Variants in ST6GAL2 observed in about 807,000 individuals in gnomAD.
ST6GAL2 encodes beta-galactoside alpha-2,6-sialyltransferase 2.
A neutral mutation model predicts 37.5 loss-of-function variants in ST6GAL2; 24 were observed. The ratio of observed to expected loss-of-function variants is 0.64; its 90% CI spans 0.46 to 0.90. ST6GAL2 has a LOEUF of 0.90. ST6GAL2 is among the 40% of genes least tolerant of loss of function. ST6GAL2 has a pLI of 0.00. For missense variants in ST6GAL2, 715 were observed against 712.7 expected (o/e 1.00, Z -0.04); for synonymous variants, 306 against 295.1 (o/e 1.04, Z -0.38).
intron 4 of ST6GAL2, among the ~76,000 whole-genome samples, chr2:106,831,616 T>C (rs1676428720): frequency 6.6e-6 from 1 of 152,154 alleles, no homozygotes; most frequent in South Asian, 2.1e-4. Flanking sequence ...CTCTGACAGA[T>C]TTTGAAAAAT....
intron 3 of ST6GAL2, among the ~76,000 whole-genome samples, 177 bp from the exon 4 acceptor site, chr2:106,832,843 T>C (rs539698609): frequency 6.6e-6 from 1 of 152,256 alleles, no homozygotes; most frequent in South Asian, 2.1e-4. Context: ...TTAAAGAATG[T>C]TTGAGGAAAT....
intron 5 of ST6GAL2, among the ~76,000 whole-genome samples, chr2:106,828,011 A>G (rs1267158112): frequency 6.6e-6 from 1 of 152,194 alleles, no homozygotes; most frequent in Non-Finnish European, 1.5e-5. Context: ...CAGGTCAAAG[A>G]AGGCTTAAAG....
chr2:106,879,874 A>G (rs1031438202), intron 1 of ST6GAL2, among the ~76,000 whole-genome samples: 1 of 147,894 alleles, frequency 6.8e-6, no homozygotes, highest in South Asian at 2.1e-4. Flanking sequence ...TACATTATAC[A>G]TATAGACCTA....
At position 106,823,648 on chromosome 2, in the gene ST6GAL2, G is replaced by A. The variant is rs557296145; in HGVS notation, c.1318+6418C>T. Among the ~76,000 whole-genome samples the A allele has an allele frequency of 2.7e-4, 41 of 152,286 alleles. No individual in the cohort carries two copies. The South Asian group carries it at 8.5e-3, about 32-fold the overall frequency. ...GTATGTTATGCTTTTTGAGAGGAAG[G>A]TGTTGGCTGAATGTCTTATTCCATT... On this transcript the variant is annotated intron_variant, in intron 5 of 5. Coordinates refer to ENST00000409382, the MANE Select transcript of ST6GAL2 (RefSeq NM_001142351.2).
chr2:106,806,634 C>A lies in ST6GAL2; in HGVS notation c.*44G>T. 6.3e-7 allele frequency: 1 copy of A among 1,583,302 alleles called. No homozygotes were observed. Reference sequence around the variant, plus strand: ...AAGTATTCTTTTGTGACTTTGAGTACAACAGTAGTACCTTATTGCACATTG... The same window carrying A: ...AAGTATTCTTTTGTGACTTTGAGTAAAACAGTAGTACCTTATTGCACATTG... On this transcript the variant is annotated 3_prime_UTR_variant, in exon 6 of 6. Transcript: ENST00000409382.
chr2:106,836,944 CAAAAAA>C (rs10700905), intron 2 of ST6GAL2, among the ~76,000 whole-genome samples: 1 of 85,724 alleles, frequency 1.2e-5, no homozygotes, highest in Non-Finnish European at 2.0e-5. Flanking sequence ...AATTCCATCT[CAAAAAA>C]AAAAAAAAAA....
At chr2:106,832,721 C>A in intron 3 of ST6GAL2, 55 bp from the exon 4 acceptor site, 1 of 1,172,946 alleles carries the variant, frequency 8.5e-7, no homozygotes, top group Non-Finnish European at 1.3e-6. Flanking sequence ...TTAAAAATTG[C>A]ATTTTAAAAA....
At position 106,843,260 on chromosome 2, in the gene ST6GAL2, C is replaced by A. The variant is rs746969361; in HGVS notation, c.718G>T (p.Gly240Trp). 4 of 1,599,468 alleles carry A rather than the reference C, an allele frequency of 2.5e-6. No homozygotes were observed. In the South Asian group the frequency reaches 3.4e-5, roughly 13 times the overall value. ...TANKHGVRFR[G>W]KREAGLSRAQ... ...CTGCTCAGCCCGGCCTCCCGCTTCC[C>A]GCGGAAGCGCACCCCGTGCTTGTTG... Residue 240 changes from glycine to tryptophan, a missense_variant, in exon 2 of 6, where the codon GGG becomes TGG. Gly to Trp is a radical substitution (Grantham distance 184). Around this residue, in one of 3 missense-constraint regions of ST6GAL2, gnomAD observed 512 missense variants for 488.8 expected, o/e 1.05. Coordinates refer to ENST00000409382, the MANE Select transcript of ST6GAL2 (RefSeq NM_001142351.2).
rs115987246 is a variant in ST6GAL2, at chr2:106,841,159, T to A, written c.943+1876A>T. The A allele has an allele frequency of 3.5e-3, 528 of 152,278 alleles. 6 individuals are homozygous for A. The highest frequency in any genetic ancestry group is 0.012 in the African/African-American group (504 of 41,564). The allele number at this position is 152,278 out of a possible 1,614,324, so 9.4% of individuals were successfully genotyped here. ...CTTGTTTTTTTTAACTTTAAAAATA[T>A]TTCTCATTCAGCCTCATGCCCAAGG... On this transcript the variant is annotated intron_variant, in intron 2 of 5. Coordinates refer to ENST00000409382, the MANE Select transcript of ST6GAL2 (RefSeq NM_001142351.2).
intron 2 of ST6GAL2, among the ~76,000 whole-genome samples, chr2:106,840,326 T>C (rs918016506): frequency 6.6e-6 from 1 of 152,360 alleles, no homozygotes; most frequent in South Asian, 2.1e-4. Context: ...CAGAGTTTGT[T>C]TGTATTCTGC....
intron 1 of ST6GAL2, among the ~76,000 whole-genome samples, chr2:106,852,252 G>A (rs929045776): frequency 1.3e-5 from 2 of 152,212 alleles, no homozygotes; most frequent in Non-Finnish European, 2.9e-5. Flanking sequence ...ACAGTCCTGC[G>A]GGATTGCCAA....
intron 1 of ST6GAL2, among the ~76,000 whole-genome samples, chr2:106,867,540 G>A (rs1303809176): frequency 6.6e-6 from 1 of 152,188 alleles, no homozygotes; most frequent in Non-Finnish European, 1.5e-5. Flanking sequence ...CAAAGGCGAA[G>A]TCATTTCTAA....
chr2:106,835,681 G>A (rs1676605784), intron 2 of ST6GAL2, among the ~76,000 whole-genome samples: 1 of 152,150 alleles, frequency 6.6e-6, no homozygotes, highest in South Asian at 2.1e-4. Context: ...CACTGTACAT[G>A]CTGTCTATAA....
At chr2:106,881,774 C>T (rs941108364) in intron 1 of ST6GAL2, among the ~76,000 whole-genome samples, 24 of 152,104 alleles carry the variant, frequency 1.6e-4, no homozygotes, top group African/African-American at 5.6e-4. Flanking sequence ...GTAGAAGCAG[C>T]CCAGAGTAGA....
intron 5 of ST6GAL2, among the ~76,000 whole-genome samples, chr2:106,816,140 T>A (rs1675793587): frequency 6.6e-6 from 1 of 152,236 alleles, no homozygotes; most frequent in South Asian, 2.1e-4. Flanking sequence ...CTATTTTGCT[T>A]CTTTTTATAA....
chr2:106,854,374 T>C (rs899334398), intron 1 of ST6GAL2, among the ~76,000 whole-genome samples: 1 of 152,220 alleles, frequency 6.6e-6, no homozygotes, highest in Admixed American at 6.5e-5. Context: ...TAAAGTAATG[T>C]GCTTAGCACT....
chr2:106,871,796 T>G (rs987372685), intron 1 of ST6GAL2, among the ~76,000 whole-genome samples: 3 of 152,200 alleles, frequency 2.0e-5, no homozygotes, highest in Admixed American at 6.5e-5. Flanking sequence ...CAACGCCTTC[T>G]TCTGGAATCC....
upstream of ST6GAL2, chr2:106,886,711 C>T (rs1268611883): frequency 1.3e-5 from 2 of 151,816 alleles, no homozygotes; most frequent in Non-Finnish European, 2.9e-5. Flanking sequence ...TCCCTTTCAT[C>T]CTTCCCGCTC....
At chr2:106,848,491 G>C (rs1677233586) in intron 1 of ST6GAL2, among the ~76,000 whole-genome samples, 1 of 152,188 alleles carries the variant, frequency 6.6e-6, no homozygotes, top group African/African-American at 2.4e-5. Context: ...TAAAAACAGA[G>C]GCAAAGATGA....
Sources: allele counts gnomAD v4.1 joint callset (sites outside exome capture counted in the v4.1 genomes callset), GRCh38; gene constraint gnomAD v4.1.1; regional missense constraint gnomAD v4.1.1; transcripts MANE v1.5; gene names NCBI Gene and HGNC (gene_info 2026-07-23, HGNC 2026-07-21).